Variants in PDLIM5 observed in about 807,000 individuals in gnomAD.
PDLIM5 encodes PDZ and LIM domain 5.
In PDLIM5, 34 loss-of-function variants were observed where a neutral mutation model predicts 64.2. The observed-to-expected ratio is 0.53, with a 90% CI of 0.40 to 0.71. PDLIM5 has a LOEUF of 0.71. Among genes scored for constraint, PDLIM5 ranks in the 30% least tolerant of loss-of-function variants. PDLIM5 has a pLI of 0.00. For synonymous variants in PDLIM5, 253 were observed against 269.1 expected (o/e 0.94, Z 0.59); for missense variants, 683 against 733.6 (o/e 0.93, Z 0.80).
intron 3 of PDLIM5, among the ~76,000 whole-genome samples, chr4:94,530,310 G>A (rs1337528320): frequency 6.6e-6 from 1 of 152,042 alleles, no homozygotes; most frequent in East Asian, 1.9e-4. Flanking sequence ...TTGGCTGAGA[G>A]AATCAGGAAA....
At chr4:94,478,911 T>TTTTTTTTTTTTTTTTTTTTTTTTG (rs1560642911) in intron 2 of PDLIM5, among the ~76,000 whole-genome samples, 1 of 145,298 alleles carries the variant, frequency 6.9e-6, no homozygotes, top group African/African-American at 2.7e-5. Flanking sequence ...TTTTTTTTTT[T>TTTTTTTTTTTTTTTTTTTTTTTTG]TTTTTTAAGA....
intron 3 of PDLIM5, among the ~76,000 whole-genome samples, chr4:94,545,734 A>G (rs1315922421): frequency 6.6e-6 from 1 of 152,152 alleles, no homozygotes; most frequent in Non-Finnish European, 1.5e-5. Flanking sequence ...GAATAAAACA[A>G]ACTGCCCTAG....
intron 2 of PDLIM5, among the ~76,000 whole-genome samples, chr4:94,519,988 A>G (rs892555705): frequency 1.3e-5 from 2 of 152,200 alleles, no homozygotes; most frequent in East Asian, 1.9e-4. Context: ...ATCTAAGTAC[A>G]GATAACTGAT....
chr4:94,514,109 T>C (rs1433255086), intron 2 of PDLIM5, among the ~76,000 whole-genome samples: 1 of 151,766 alleles, frequency 6.6e-6, no homozygotes, highest in Non-Finnish European at 1.5e-5. Context: ...TAATGTATTG[T>C]TGAATTCGGT....
At chr4:94,525,143 G>A (rs971596526) in intron 3 of PDLIM5, among the ~76,000 whole-genome samples, 6 of 152,146 alleles carry the variant, frequency 3.9e-5, no homozygotes, top group Non-Finnish European at 7.4e-5. Flanking sequence ...AATAGGCTGG[G>A]CGCTGTGGCT....
chr4:94,568,568 G>T (rs948409199), intron 3 of PDLIM5, among the ~76,000 whole-genome samples: 2 of 151,938 alleles, frequency 1.3e-5, no homozygotes, highest in East Asian at 3.9e-4. Flanking sequence ...TTAGAAAAAT[G>T]GATTTTTTTT....
intron 3 of PDLIM5, among the ~76,000 whole-genome samples, chr4:94,546,207 A>G (rs1415870562): frequency 6.6e-6 from 1 of 152,140 alleles, no homozygotes; most frequent in Non-Finnish European, 1.5e-5. Flanking sequence ...AAATATTCTG[A>G]CCCAAATGAT....
At chr4:94,507,474 C>G (rs1728487522) in intron 2 of PDLIM5, among the ~76,000 whole-genome samples, 2 of 152,244 alleles carry the variant, frequency 1.3e-5, no homozygotes, top group South Asian at 4.1e-4. Context: ...AAATTGCTCT[C>G]CAGCTGTGAA....
chr4:94,462,595 T>A lies in PDLIM5; in HGVS notation c.96+7211T>A, dbSNP rs1038328785. Among the ~76,000 whole-genome samples, 9 of 152,168 alleles carry A rather than the reference T, an allele frequency of 5.9e-5. No homozygotes were observed. The South Asian group carries it at 8.3e-4, about 14-fold the overall frequency. ...GTGTAGACATTTAAATTTTTTCTAG[T>A]CTTTTGCTTTTACTGACATTGAATT... On this transcript the variant is annotated intron_variant, in intron 2 of 12. Coordinates refer to ENST00000317968, the MANE Select transcript of PDLIM5 (RefSeq NM_006457.5).
At chr4:94,494,429 C>CTTTTTTTTTTTTTTT (rs1261064734) in intron 2 of PDLIM5, among the ~76,000 whole-genome samples, 10 of 51,596 alleles carry the variant, frequency 1.9e-4, no homozygotes, top group African/African-American at 3.9e-4. Flanking sequence ...TTTTTTTTTT[C>CTTTTTTTTTTTTTTT]TTGTTTTTTT....
intron 5 of PDLIM5, among the ~76,000 whole-genome samples, chr4:94,581,537 G>A (rs1735729706): frequency 6.6e-6 from 1 of 152,076 alleles, no homozygotes; most frequent in Non-Finnish European, 1.5e-5. Context: ...GCAAACTATT[G>A]AGATCAACTT....
At chr4:94,453,469 T>C (rs1323741300) in intron 1 of PDLIM5, among the ~76,000 whole-genome samples, 1 of 152,086 alleles carries the variant, frequency 6.6e-6, no homozygotes, top group East Asian at 1.9e-4. Flanking sequence ...AGGAAGGGAA[T>C]CCCCAAGTAA....
At chr4:94,601,112 AC>A (rs1325597685) in intron 7 of PDLIM5, among the ~76,000 whole-genome samples, 1 of 152,218 alleles carries the variant, frequency 6.6e-6, no homozygotes, top group African/African-American at 2.4e-5. Context: ...AGCTGCTAGA[AC>A]AAAAATATCA....
At chr4:94,472,290 T>C (rs1331560283) in intron 2 of PDLIM5, among the ~76,000 whole-genome samples, 1 of 152,200 alleles carries the variant, frequency 6.6e-6, no homozygotes, top group Non-Finnish European at 1.5e-5. Flanking sequence ...CCATCTGTCA[T>C]GGTCTGGCAT....
In PDLIM5 at chr4:94,573,399, T is replaced by C. The variant is rs1236952783; in HGVS notation, c.291+6T>C. Reference sequence around the variant, plus strand: ...AGCCGGTTCCTGTTCAAAAGGTGTGTTTTTAAGCTAGCACCCAGAGTATCA... The same window carrying C: ...AGCCGGTTCCTGTTCAAAAGGTGTGCTTTTAAGCTAGCACCCAGAGTATCA... On this transcript the variant is annotated splice_donor_region_variant and intron_variant, in intron 4 of 12. Coordinates refer to ENST00000317968, the MANE Select transcript of PDLIM5 (RefSeq NM_006457.5). 1.9e-6 allele frequency: 3 copies of C among 1,607,584 alleles called. No individual in the cohort carries two copies. The highest frequency in any genetic ancestry group is 2.7e-5 in the African/African-American group (2 of 74,762).
At chr4:94,456,429 C>A in intron 2 of PDLIM5, 1 of 693,102 alleles carries the variant, frequency 1.4e-6, no homozygotes, top group Non-Finnish European at 2.6e-6. Context: ...AACTCCCGAC[C>A]TCAGGTGATC....
chr4:94,473,762 G>T (rs143815425), intron 2 of PDLIM5, among the ~76,000 whole-genome samples: 82 of 152,230 alleles, frequency 5.4e-4, no homozygotes, highest in African/African-American at 1.6e-3. Flanking sequence ...TTTTATTAAG[G>T]ACTGATGTTA....
intron 8 of PDLIM5, among the ~76,000 whole-genome samples, chr4:94,636,838 C>A (rs574884538): frequency 6.6e-6 from 1 of 152,028 alleles, no homozygotes; most frequent in South Asian, 2.1e-4. Context: ...CCGGGCCACT[C>A]ATTTTTAAAT....
At chr4:94,494,295 G>T (rs2555216) in intron 2 of PDLIM5, among the ~76,000 whole-genome samples, 122,807 of 151,878 alleles carry the variant, frequency 0.81, 49,771 homozygotes, top group East Asian at 0.93. Flanking sequence ...TTCTTCATGC[G>T]CTTCTGCATG....
Sources: gnomAD v4.1 joint callset for allele counts (sites outside exome capture counted in the v4.1 genomes callset) on GRCh38, gnomAD v4.1.1 for gene constraint, MANE v1.5 for transcripts, NCBI Gene and HGNC (gene_info 2026-07-23, HGNC 2026-07-21) for gene names.